The following SHTN1 variants were observed in gnomAD, a reference collection of about 807,000 sequenced individuals.
The protein encoded by SHTN1 is shootin-1.
A neutral mutation model predicts 83.1 loss-of-function variants in SHTN1; 42 were observed. That is an observed-to-expected ratio of 0.51 (90% CI 0.39 to 0.65). SHTN1 has a LOEUF of 0.65. Among genes scored for constraint, SHTN1 ranks in the 30% least tolerant of loss-of-function variants. SHTN1 has a pLI of 0.00. For missense variants in SHTN1, 622 were observed against 737.8 expected (o/e 0.84, Z 1.82); for synonymous variants, 224 against 247.7 (o/e 0.90, Z 0.90).
chr10:117,019,954 A>G (rs7076113), intron 2 of SHTN1, among the ~76,000 whole-genome samples: 138,665 of 152,146 alleles, frequency 0.91, 64,550 homozygotes, highest in Non-Finnish European at 1. Flanking sequence ...GACTTAATAT[A>G]GTTCAAATGC....
At chr10:117,014,132 G>T (rs1182351151) in intron 2 of SHTN1, among the ~76,000 whole-genome samples, 1 of 152,160 alleles carries the variant, frequency 6.6e-6, no homozygotes, top group Non-Finnish European at 1.5e-5. Context: ...GCTACCAGGG[G>T]TTGAGGACGA....
chr10:117,012,204 A>C (rs1197079831), intron 2 of SHTN1, among the ~76,000 whole-genome samples: 1 of 152,018 alleles, frequency 6.6e-6, no homozygotes, highest in East Asian at 1.9e-4. Flanking sequence ...AATTCTTCCA[A>C]ATTTAACCTA....
intron 3 of SHTN1, among the ~76,000 whole-genome samples, chr10:116,967,136 T>C (rs1850423387): frequency 6.6e-6 from 1 of 152,224 alleles, no homozygotes; most frequent in South Asian, 2.1e-4. Context: ...TGACAGAACA[T>C]CTGCAGAATG....
intron 1 of SHTN1, among the ~76,000 whole-genome samples, chr10:117,062,019 C>T (rs1852912277): frequency 6.6e-6 from 1 of 152,048 alleles, no homozygotes; most frequent in South Asian, 2.1e-4. Flanking sequence ...TGCTATTAAC[C>T]TCAAAAAAGG....
In SHTN1 at chr10:117,004,910, G is replaced by A. The variant is rs1319291908; in HGVS notation, c.58+112C>T. On this transcript the variant is annotated intron_variant, in intron 1 of 16. Coordinates refer to ENST00000355371, the MANE Select transcript of SHTN1 (RefSeq NM_001127211.3). ...GTGACGGAGCTACTGCGGTGACCAC[G>A]GCGGCCGCCACGTCTCCCGCCCGGC... 58 of 908,734 alleles carry A rather than the reference G, an allele frequency of 6.4e-5. No homozygotes were observed. In the Admixed American group the frequency reaches 1.7e-3, roughly 27 times the overall value. 56.3% of individuals were successfully genotyped at this position (908,734 alleles called of 1,614,324 possible).
rs552991125 is a variant in SHTN1, at chr10:116,960,286, G to A, written c.173-56C>T. On this transcript the variant is annotated intron_variant, in intron 3 of 16. Transcript: ENST00000355371. ...ATTCAAAGATTAGTCAGCTATTCCA[G>A]GAGCCCACGCATCGTCCCATGATTA... The A allele has an allele frequency of 5.5e-5, 52 of 948,100 alleles. 2 individuals carry two copies. In the South Asian group the frequency reaches 6.3e-4, roughly 11 times the overall value. 58.7% of individuals were successfully genotyped at this position (948,100 alleles called of 1,614,324 possible).
chr10:117,028,415 T>C (rs1852360039), intron 2 of SHTN1, among the ~76,000 whole-genome samples: 1 of 152,074 alleles, frequency 6.6e-6, no homozygotes, highest in Non-Finnish European at 1.5e-5. Flanking sequence ...TAGAAATTTG[T>C]ATAAGTAAAA....
intron 9 of SHTN1, among the ~76,000 whole-genome samples, chr10:116,939,787 A>G (rs1281963495): frequency 6.6e-6 from 1 of 152,224 alleles, no homozygotes; most frequent in Non-Finnish European, 1.5e-5. Context: ...CAAATGAGGT[A>G]CATTATAAGT....
chr10:116,967,439 T>C (rs1474115631), intron 3 of SHTN1, among the ~76,000 whole-genome samples: 2 of 152,196 alleles, frequency 1.3e-5, no homozygotes, highest in East Asian at 3.8e-4. Context: ...ACCACTTTAT[T>C]AAGGTATAAG....
At chr10:117,012,862 TCA>T (rs1852129999) in intron 2 of SHTN1, among the ~76,000 whole-genome samples, 2 of 152,200 alleles carry the variant, frequency 1.3e-5, no homozygotes. Context: ...ATATTTTGTA[TCA>T]CACATTAAAT....
intron 14 of SHTN1, among the ~76,000 whole-genome samples, chr10:116,911,240 GAC>G (rs1589799234): frequency 6.6e-6 from 1 of 152,094 alleles, no homozygotes; most frequent in Non-Finnish European, 1.5e-5. Context: ...ACTAGGAAGG[GAC>G]ACAAAGTATG....
intron 3 of SHTN1, among the ~76,000 whole-genome samples, chr10:116,966,119 G>A (rs967627401): frequency 6.6e-6 from 1 of 152,086 alleles, no homozygotes; most frequent in South Asian, 2.1e-4. Context: ...TGATTCTCCT[G>A]CCTCAATAGT....
rs190184737 is a variant in SHTN1, at chr10:116,933,773, T to A, written c.859-3771A>T. Among the ~76,000 whole-genome samples the A allele has an allele frequency of 2.0e-3, 298 of 152,268 alleles. 1 individual carries two copies. The highest frequency in any genetic ancestry group is 6.9e-3 in the African/African-American group (287 of 41,558). On this transcript the variant is annotated intron_variant, in intron 9 of 16. Transcript: ENST00000355371. The stretch of plus-strand genomic sequence containing the variant: ...CTTCCACAATGGTTGAACTAATTTA[T>A]ACACCCACCAACAGTGTAAAAGCAT...
intron 1 of SHTN1, among the ~76,000 whole-genome samples, chr10:117,067,608 A>T (rs1240623763): frequency 2.0e-5 from 3 of 152,306 alleles, no homozygotes; most frequent in South Asian, 4.1e-4. Context: ...AAAAATTTTT[A>T]AATAAAAAAA....
intron 15 of SHTN1, among the ~76,000 whole-genome samples, chr10:116,904,969 A>T (rs898537225): frequency 1.3e-4 from 20 of 151,954 alleles, no homozygotes; most frequent in African/African-American, 4.6e-4. Context: ...TGGGAGGCCG[A>T]GGCGGGTGGA....
intron 5 of SHTN1, among the ~76,000 whole-genome samples, chr10:116,952,215 C>A (rs1849805277): frequency 6.6e-6 from 1 of 152,152 alleles, no homozygotes; most frequent in South Asian, 2.1e-4. Flanking sequence ...AATTTTATAT[C>A]AGGCAACCTC....
chr10:116,999,484 C>T (rs770547014), intron 1 of SHTN1, among the ~76,000 whole-genome samples: 14 of 152,190 alleles, frequency 9.2e-5, no homozygotes, highest in Non-Finnish European at 1.8e-4. Flanking sequence ...GTGCATAAAA[C>T]GCCTAAAAAG....
At chr10:117,067,736 A>G (rs1259614023) in intron 1 of SHTN1, among the ~76,000 whole-genome samples, 2 of 152,236 alleles carry the variant, frequency 1.3e-5, no homozygotes, top group African/African-American at 2.4e-5. Context: ...TCCAAGGGAA[A>G]AATGACTTAA....
At chr10:116,963,035 G>GTT (rs71013628) in intron 3 of SHTN1, among the ~76,000 whole-genome samples, 1 of 45,258 alleles carries the variant, frequency 2.2e-5, no homozygotes, top group African/African-American at 7.1e-5. Flanking sequence ...AATAATAAAA[G>GTT]TTTTTTTTTT....
Sources: gnomAD v4.1 joint callset for allele counts (sites outside exome capture counted in the v4.1 genomes callset) on GRCh38, gnomAD v4.1.1 for gene constraint, MANE v1.5 for transcripts, NCBI Gene and HGNC (gene_info 2026-07-23, HGNC 2026-07-21) for gene names.